Variants in SPAG16 observed in about 807,000 individuals in gnomAD.
SPAG16 encodes sperm-associated antigen 16 protein.
In SPAG16, 86 loss-of-function variants were observed where a neutral mutation model predicts 80.4. The observed-to-expected ratio is 1.07, with a 90% CI of 0.90 to 1.28. SPAG16 has a LOEUF of 1.28. Among genes scored for constraint, SPAG16 ranks in the 50% most tolerant of loss-of-function variants. The probability of loss-of-function intolerance (pLI) is 0.00; values close to 1 mark genes in which losing one functional copy is unlikely to be tolerated. For synonymous variants in SPAG16, 294 were observed against 265.9 expected (o/e 1.11, Z -1.03); for missense variants, 870 against 765.3 (o/e 1.14, Z -1.61).
intron 15 of SPAG16, among the ~76,000 whole-genome samples, chr2:214,164,143 A>G (rs1242386913): frequency 6.6e-6 from 1 of 152,140 alleles, no homozygotes; most frequent in Non-Finnish European, 1.5e-5. Context: ...TATTCTAGAC[A>G]GTAAAAATAG....
chr2:213,504,080 A>G (rs1203936411), intron 10 of SPAG16, among the ~76,000 whole-genome samples: 1 of 152,150 alleles, frequency 6.6e-6, no homozygotes, highest in African/African-American at 2.4e-5. Context: ...TGGAAGTCTG[A>G]TTGGCATTAT....
intron 15 of SPAG16, among the ~76,000 whole-genome samples, chr2:214,353,182 G>GA (rs914984388): frequency 3.3e-5 from 5 of 151,540 alleles, no homozygotes; most frequent in African/African-American, 1.2e-4. Context: ...AAAATCTGTG[G>GA]AAAAAATGCA....
chr2:214,314,255 AAGTT>A (rs1313186893), intron 15 of SPAG16, among the ~76,000 whole-genome samples: 1 of 152,150 alleles, frequency 6.6e-6, no homozygotes, highest in African/African-American at 2.4e-5. Context: ...ATTTTTTCAT[AAGTT>A]AGTTCCATTT....
At chr2:213,976,019 T>A (rs777197759) in intron 12 of SPAG16, among the ~76,000 whole-genome samples, 1 of 151,014 alleles carries the variant, frequency 6.6e-6, no homozygotes, top group Non-Finnish European at 1.5e-5. Flanking sequence ...TTCAGTATCA[T>A]GTGGGTCTCC....
chr2:214,382,563 G>A (rs1239517953), intron 15 of SPAG16, among the ~76,000 whole-genome samples: 1 of 152,142 alleles, frequency 6.6e-6, no homozygotes, highest in Non-Finnish European at 1.5e-5. Flanking sequence ...TGCTTGAAAA[G>A]ATAATAGTGG....
intron 10 of SPAG16, among the ~76,000 whole-genome samples, chr2:213,616,583 A>T (rs1309498669): frequency 6.6e-6 from 1 of 152,214 alleles, no homozygotes; most frequent in Non-Finnish European, 1.5e-5. Context: ...TTCTCAAAAT[A>T]TGATCTGCTT....
At chr2:213,434,764 C>T (rs1017531072) in intron 9 of SPAG16, among the ~76,000 whole-genome samples, 29 of 152,130 alleles carry the variant, frequency 1.9e-4, no homozygotes, top group African/African-American at 5.8e-4. Context: ...TGTCATCTGA[C>T]GTAAGTCAGA....
chr2:213,369,178 A>G (rs967035695), intron 8 of SPAG16, among the ~76,000 whole-genome samples: 4 of 152,160 alleles, frequency 2.6e-5, no homozygotes, highest in African/African-American at 9.7e-5. Context: ...AAGCTCGGAG[A>G]TTTTTTGCAA....
chr2:213,556,090 T>G (rs1390652735), intron 10 of SPAG16, among the ~76,000 whole-genome samples: 2 of 151,212 alleles, frequency 1.3e-5, no homozygotes, highest in African/African-American at 2.4e-5. Context: ...ACTCAAAAGA[T>G]TAAAAGCAAG....
intron 9 of SPAG16, among the ~76,000 whole-genome samples, chr2:213,441,870 G>A (rs937306258): frequency 6.6e-6 from 1 of 152,144 alleles, no homozygotes; most frequent in Admixed American, 6.5e-5. Flanking sequence ...AAACACGGCC[G>A]GGGTGGTGGC....
At chr2:213,342,564 C>T (rs1353524143) in intron 6 of SPAG16, among the ~76,000 whole-genome samples, 1 of 151,236 alleles carries the variant, frequency 6.6e-6, no homozygotes, top group African/African-American at 2.4e-5. Flanking sequence ...ATGTGATATC[C>T]AAATTAATGA....
chr2:213,508,433 G>A (rs111536963), intron 10 of SPAG16, among the ~76,000 whole-genome samples: 13,079 of 152,160 alleles, frequency 0.086, 1,407 homozygotes, highest in African/African-American at 0.25. Context: ...TTAGCCGGGC[G>A]CGGTGGCGGG....
chr2:214,307,421 C>T (rs746487435), intron 15 of SPAG16, among the ~76,000 whole-genome samples: 17 of 152,198 alleles, frequency 1.1e-4, no homozygotes, highest in Non-Finnish European at 2.4e-4. Context: ...TCTTTCTTGT[C>T]TTCAGCTAGC....
intron 10 of SPAG16, among the ~76,000 whole-genome samples, chr2:213,656,347 T>C (rs940370221): frequency 6.6e-6 from 1 of 152,240 alleles, no homozygotes; most frequent in Non-Finnish European, 1.5e-5. Context: ...ATTTTTTGTA[T>C]TTTTAGTGGA....
chr2:214,399,555 A>G (rs1701593099), intron 15 of SPAG16, among the ~76,000 whole-genome samples: 1 of 152,080 alleles, frequency 6.6e-6, no homozygotes, highest in Non-Finnish European at 1.5e-5. Flanking sequence ...TTCTGACACC[A>G]ATGTACATTA....
chr2:213,393,244 A>G (rs1366324535), intron 9 of SPAG16, among the ~76,000 whole-genome samples: 1 of 152,024 alleles, frequency 6.6e-6, no homozygotes, highest in Non-Finnish European at 1.5e-5. Context: ...AACTTTGGTC[A>G]TTATAAATAC....
At chr2:214,323,635 TA>T (rs1696267568) in intron 15 of SPAG16, among the ~76,000 whole-genome samples, 1 of 152,158 alleles carries the variant, frequency 6.6e-6, no homozygotes, top group African/African-American at 2.4e-5. Context: ...GTGTGGCAAA[TA>T]GATTGCGATA....
intron 15 of SPAG16, among the ~76,000 whole-genome samples, chr2:214,171,822 CAT>C (rs1490741285): frequency 6.6e-6 from 1 of 151,764 alleles, no homozygotes; most frequent in Non-Finnish European, 1.5e-5. Flanking sequence ...AATAAGTAAA[CAT>C]ATATTTTAAG....
In SPAG16 at chr2:213,340,243, AAAAC is replaced by A. The variant is rs1229312624; in HGVS notation, c.621_624del (p.Lys208Ter). 6 of 1,610,636 alleles carry A rather than the reference AAAAC, an allele frequency of 3.7e-6. No individual in the cohort carries two copies. The African/African-American group carries it at 5.3e-5, about 14-fold the overall frequency. ...CATCATAAGCGAATAGTCCAGGAAA[AAAAC>A]AAATTAATTAATGACCTCAAAGGGT... On this transcript the variant is annotated frameshift_variant, in exon 6 of 16. Transcript: ENST00000331683. LOFTEE classifies it high-confidence loss of function.
Sources: gnomAD v4.1 joint callset for allele counts (sites outside exome capture counted in the v4.1 genomes callset) on GRCh38, gnomAD v4.1.1 for gene constraint, MANE v1.5 for transcripts, NCBI Gene and HGNC (gene_info 2026-07-23, HGNC 2026-07-21) for gene names.